SIDT2: variants seen among roughly 807,000 people sequenced by gnomAD.
SIDT2 encodes the protein SID1 transmembrane family member 2, also known as SID1 transmembrane family, member 2.
SIDT2 carries 68 observed loss-of-function variants against 114.4 expected under a neutral mutation model. That is an observed-to-expected ratio of 0.59 (90% CI 0.49 to 0.73). SIDT2 has a LOEUF of 0.73. SIDT2 is among the 30% of genes least tolerant of loss of function. SIDT2 has a pLI of 0.00. For missense variants in SIDT2, 918 were observed against 1,097.1 expected, an observed-to-expected ratio of 0.84 and a Z score of 2.31; for synonymous variants, 470 against 438.4, an observed-to-expected ratio of 1.07 and a Z score of -0.90.
In SIDT2 at chr11:117,186,883, G is replaced by A. The variant is rs1377806168; in HGVS notation, c.1015+247G>A. 3 of 1,333,998 alleles carry A rather than the reference G, an allele frequency of 2.2e-6. No homozygotes were observed. In the African/African-American group the frequency reaches 4.3e-5, roughly 19 times the overall value. 82.6% of individuals were successfully genotyped at this position (1,333,998 alleles called of 1,614,324 possible). On this transcript the variant is annotated intron_variant, in intron 10 of 25. Transcript: ENST00000324225. ...TCTAGCGATGGTGTCTGCCTGCCTT[G>A]GGCAGTGTGGCCCACGGTCTCTGGG...
intron 6 of SIDT2, among the ~76,000 whole-genome samples, chr11:117,183,310 A>T (rs533017832): frequency 1.3e-5 from 2 of 151,270 alleles, no homozygotes; most frequent in African/African-American, 4.9e-5. Context: ...ACACCACTGC[A>T]CTCCAGCCTG....
At chr11:117,181,663 G>C in intron 2 of SIDT2, 126 bp downstream of exon 2, 1 of 1,570,748 alleles carries the variant, frequency 6.4e-7, no homozygotes, top group Admixed American at 1.7e-5. Context: ...AACAGCACAA[G>C]GGCCGAGTCC....
intron 3 of SIDT2, 23 bp from the exon 4 acceptor site, chr11:117,182,037 G>A (rs758629278): frequency 1.2e-6 from 2 of 1,610,152 alleles, no homozygotes; most frequent in East Asian, 2.2e-5. Flanking sequence ...GGTGACTGGT[G>A]GGGGCTCTTC....
rs1039010465 is a variant in SIDT2, at chr11:117,188,181, G to A, written c.1159+482G>A. Reference sequence around the variant, plus strand: ...CTGGACAATCTAGTTTATCGTCTGCGTTGCCAGCGCCCTCACTCCCTGGCC... The same window carrying A: ...CTGGACAATCTAGTTTATCGTCTGCATTGCCAGCGCCCTCACTCCCTGGCC... On this transcript the variant is annotated intron_variant, in intron 12 of 25. Coordinates refer to ENST00000324225, the MANE Select transcript of SIDT2 (RefSeq NM_001040455.2). The surrounding 1 kb of genome is among the most constrained non-coding windows in gnomAD (Gnocchi z 4.0). 34 of 360,756 alleles carry A rather than the reference G, an allele frequency of 9.4e-5. No individual in the cohort carries two copies. The highest frequency in any genetic ancestry group is 7.3e-4 in the East Asian group (10 of 13,606). 22.3% of individuals were successfully genotyped at this position (360,756 alleles called of 1,614,324 possible). A position where few individuals can be genotyped will look rare whatever the true frequency, so the allele number is the denominator to read the frequency against.
Position 117,182,794 on chromosome 11 carries a change from C to T in SIDT2, c.690C>T (p.Ala230=). 6.2e-7 allele frequency: 1 copy of T among 1,613,834 alleles called. No homozygotes were observed. Among genetic ancestry groups the T allele is most frequent in the Non-Finnish European group, 8.5e-7 (1 of 1,179,906 alleles). The change falls in exon 6 of 26, where the codon GCC becomes GCT. Residue 230 remains alanine, a synonymous_variant. Coordinates refer to ENST00000324225, the MANE Select transcript of SIDT2 (RefSeq NM_001040455.2). ...ACCAGACGATGACCAAGAAGGCGGC[C>T]ATCACCGTACAGGTAGGAAATGCAT... ...GMYQTMTKKA[A]ITVQRKDFPS...
intron 24 of SIDT2, among the ~76,000 whole-genome samples, chr11:117,195,185 T>C (rs1183764813): frequency 6.7e-6 from 1 of 148,912 alleles, no homozygotes; most frequent in Non-Finnish European, 1.5e-5. Flanking sequence ...AGGGGCAGAT[T>C]TGGAGGTCAG....
At chr11:117,189,608 C>T (rs776092308) in intron 15 of SIDT2, 108 of 620,472 alleles carry the variant, frequency 1.7e-4, no homozygotes, top group Non-Finnish European at 2.9e-4. Flanking sequence ...GGGAGCAGCC[C>T]GCACTAAAGA....
chr11:117,193,147 T>C lies in SIDT2; in HGVS notation c.2106-6T>C. 2 of 1,614,194 alleles carry C rather than the reference T, an allele frequency of 1.2e-6. No homozygotes were observed. Among genetic ancestry groups the C allele is most frequent in the Non-Finnish European group, 1.7e-6 (2 of 1,180,008 alleles). On this transcript the variant is annotated splice_polypyrimidine_tract_variant and splice_region_variant and intron_variant, in intron 22 of 25. Coordinates refer to ENST00000324225, the MANE Select transcript of SIDT2 (RefSeq NM_001040455.2). ...CTGCTTCACCACCCTTCATCCCTCTTGCCAGGGCTGCCTATGGGCTTATCA... is the reference window on the plus strand; with the variant it reads ...CTGCTTCACCACCCTTCATCCCTCTCGCCAGGGCTGCCTATGGGCTTATCA...
chr11:117,192,871 G>C lies in SIDT2; in HGVS notation c.2105+5G>C. 1 of 1,614,144 alleles carries C rather than the reference G, an allele frequency of 6.2e-7. No homozygotes were observed. The highest frequency in any genetic ancestry group is 8.5e-7 in the Non-Finnish European group (1 of 1,180,028). ...CAACGTCATCAACTGGTCGCTGTGA[G>C]TATGGTCAGCAGTAGTGGCCTGGTT... On this transcript the variant is annotated splice_donor_5th_base_variant and intron_variant, in intron 22 of 25. Coordinates refer to ENST00000324225, the MANE Select transcript of SIDT2 (RefSeq NM_001040455.2). The surrounding 1 kb of genome is among the most constrained non-coding windows in gnomAD (Gnocchi z 5.9).
chr11:117,179,636 C>G, intron 1 of SIDT2, 190 bp downstream of exon 1: 1 of 583,940 alleles, frequency 1.7e-6, no homozygotes, highest in East Asian at 3.0e-5. Flanking sequence ...CTCTGAAGCT[C>G]CAGCTGGGCA....
At position 117,188,896 on chromosome 11, in the gene SIDT2, A is replaced by T. The variant is rs1487746697; in HGVS notation, c.1278+70A>T. The T allele has an allele frequency of 7.0e-7, 1 of 1,434,380 alleles. No individual in the cohort carries two copies. Among genetic ancestry groups the T allele is most frequent in the Non-Finnish European group, 9.8e-7 (1 of 1,016,748 alleles). The allele number at this position is 1,434,380 out of a possible 1,614,324, so 88.9% of individuals were successfully genotyped here. On this transcript the variant is annotated intron_variant, in intron 13 of 25. Transcript: ENST00000324225. The surrounding 1 kb of genome is among the most constrained non-coding windows in gnomAD (Gnocchi z 4.0). ...GGACATTCTGCGTTCCCGCCCCAGC[A>T]TGTTCCCACTGACGTGGCATTTAGG... is the stretch of plus-strand genomic sequence containing the variant.
intron 9 of SIDT2, 25 bp downstream of exon 9, chr11:117,186,248 C>T: frequency 1.9e-6 from 3 of 1,606,992 alleles, no homozygotes; most frequent in Non-Finnish European, 2.6e-6. Flanking sequence ...CTGGGCCTCC[C>T]CTGGTCTGGG....
In SIDT2 at chr11:117,179,173, C is replaced by A; in HGVS notation, c.-91C>A. Reference sequence around the variant, plus strand: ...GGTCCTGGTGAGATGCTGGAAGCTGCGGCCGCAGCCGCAACCCGTCCCGGA... The same window carrying A: ...GGTCCTGGTGAGATGCTGGAAGCTGAGGCCGCAGCCGCAACCCGTCCCGGA... On this transcript the variant is annotated 5_prime_UTR_variant, in exon 1 of 26. Coordinates refer to ENST00000324225, the MANE Select transcript of SIDT2 (RefSeq NM_001040455.2). 7.8e-7 allele frequency: 1 copy of A among 1,274,874 alleles called. No homozygotes were observed. Among genetic ancestry groups the A allele is most frequent in the Non-Finnish European group, 1.1e-6 (1 of 922,484 alleles). The allele number at this position is 1,274,874 out of a possible 1,614,324, so 79.0% of individuals were successfully genotyped here.
At position 117,188,984 on chromosome 11, in the gene SIDT2, A is replaced by T; in HGVS notation, c.1278+158A>T. ...TGCCGGGGAAACTAACCTGACCTCC[A>T]ACCCCTTCCGGCCTGATTGGCCAAA... On this transcript the variant is annotated intron_variant, in intron 13 of 25. Coordinates refer to ENST00000324225, the MANE Select transcript of SIDT2 (RefSeq NM_001040455.2). This position sits in a 1 kb window ranked among gnomAD's most constrained non-coding sequence, Gnocchi z 4.0. 4.1e-6 allele frequency: 4 copies of T among 973,158 alleles called. No individual in the cohort carries two copies. Among genetic ancestry groups the T allele is most frequent in the South Asian group, 1.4e-5 (1 of 69,968 alleles). The allele number at this position is 973,158 out of a possible 1,614,324, so 60.3% of individuals were successfully genotyped here.
Position 117,187,587 on chromosome 11 carries a change from C to T in SIDT2, c.1088-41C>T, listed in dbSNP as rs144276130. The T allele has an allele frequency of 1.2e-4, 192 of 1,606,746 alleles. No individual in the cohort carries two copies. In the African/African-American group the frequency reaches 1.4e-3, roughly 12 times the overall value. ...CAGATGCTCAGAGCCCCTTTCCCTG[C>T]GGCCTCTCCTTCCTGCCTCACCACT... On this transcript the variant is annotated intron_variant, in intron 11 of 25. Coordinates refer to ENST00000324225, the MANE Select transcript of SIDT2 (RefSeq NM_001040455.2).
intron 23 of SIDT2, 106 bp downstream of exon 23, chr11:117,193,364 T>A: frequency 9.7e-7 from 1 of 1,026,236 alleles, no homozygotes; most frequent in African/African-American, 1.6e-5. Flanking sequence ...GTCCCATCTT[T>A]GCTGGTTGCG....
chr11:117,180,236 A>AT (rs1465975866), intron 1 of SIDT2, among the ~76,000 whole-genome samples: 4 of 151,740 alleles, frequency 2.6e-5, no homozygotes, highest in Admixed American at 1.3e-4. Context: ...GGGGAATCTG[A>AT]TTTTTTTTCA....
At chr11:117,194,010 C>A in intron 24 of SIDT2, 47 bp downstream of exon 24, 1 of 1,472,380 alleles carries the variant, frequency 6.8e-7, no homozygotes, top group South Asian at 1.1e-5. Context: ...AGTGGCCAGT[C>A]CTCTTTTTAA....
intron 24 of SIDT2, chr11:117,194,226 G>A (rs2030808099): frequency 2.9e-6 from 1 of 348,936 alleles, no homozygotes. Context: ...GAGGCAAGAA[G>A]ATAGCCTGTG....
Sources: gnomAD v4.1 joint callset for allele counts (sites outside exome capture counted in the v4.1 genomes callset) on GRCh38, gnomAD v4.1.1 for gene constraint, Gnocchi (gnomAD v3.1) non-coding constraint, MANE v1.5 for transcripts, NCBI Gene and HGNC (gene_info 2026-07-23, HGNC 2026-07-21) for gene names.